Variants in DCDC2 observed in about 807,000 individuals in gnomAD.
The protein encoded by DCDC2 is doublecortin domain-containing protein 2.
A neutral mutation model predicts 50.2 loss-of-function variants in DCDC2; 40 were observed. The ratio of observed to expected loss-of-function variants is 0.80; its 90% CI spans 0.62 to 1.04. The LOEUF is 1.04. Ranked by LOEUF, DCDC2 falls within the 50% of genes least tolerant of loss-of-function variation. The pLI, the probability that DCDC2 is intolerant of heterozygous loss-of-function variation, is 0.00. For missense variants in DCDC2, 570 were observed against 581.9 expected (o/e 0.98, Z 0.21); for synonymous variants, 234 against 210.6 (o/e 1.11, Z -0.96).
At chr6:24,299,200 G>C (rs1355028495) in intron 4 of DCDC2, among the ~76,000 whole-genome samples, 2 of 152,176 alleles carry the variant, frequency 1.3e-5, no homozygotes, top group African/African-American at 4.8e-5. Context: ...TATGGATGCA[G>C]CTGGAGGCCA....
At chr6:24,176,023 T>TGG (rs1478092324) in intron 9 of DCDC2, among the ~76,000 whole-genome samples, 1 of 152,170 alleles carries the variant, frequency 6.6e-6, no homozygotes, top group Non-Finnish European at 1.5e-5. Flanking sequence ...CCGGGCATGG[T>TGG]GGCACGTGGC....
At chr6:24,360,199 C>T (rs1028992468), upstream of DCDC2, among the ~76,000 whole-genome samples, 2 of 152,338 alleles carry the variant, frequency 1.3e-5, no homozygotes, top group South Asian at 2.1e-4. Context: ...GTGAACCAGG[C>T]CTGGCTTGCG....
intron 4 of DCDC2, among the ~76,000 whole-genome samples, chr6:24,296,753 G>C (rs774572149): frequency 4.6e-5 from 7 of 152,072 alleles, no homozygotes; most frequent in South Asian, 2.1e-4. Context: ...CAAACAAAAA[G>C]CACAATGATA....
chr6:24,289,971 CTTTTTTTTTTTTTTTTTTTTTTTTTTT>C (rs3077132), intron 5 of DCDC2, among the ~76,000 whole-genome samples: 3 of 60,986 alleles, frequency 4.9e-5, no homozygotes, highest in East Asian at 5.7e-4. Flanking sequence ...CAGAGCTCTT[CTTTTTTTTTTTTTTTTTTTTTTTTTTT>C]TTTTTTTTTT....
chr6:24,232,091 A>G (rs1333614136), intron 7 of DCDC2, among the ~76,000 whole-genome samples: 2 of 152,160 alleles, frequency 1.3e-5, no homozygotes, highest in African/African-American at 2.4e-5. Flanking sequence ...TTTAAACTTT[A>G]TACAGCAATT....
At chr6:24,316,349 G>T (rs1234182663) in intron 2 of DCDC2, among the ~76,000 whole-genome samples, 2 of 152,108 alleles carry the variant, frequency 1.3e-5, no homozygotes, top group African/African-American at 4.8e-5. Flanking sequence ...AAATTCCAGA[G>T]GACTCAGGAG....
At chr6:24,198,835 G>T (rs1761508966) in intron 8 of DCDC2, among the ~76,000 whole-genome samples, 1 of 152,172 alleles carries the variant, frequency 6.6e-6, no homozygotes, top group Non-Finnish European at 1.5e-5. Flanking sequence ...AGGGATGTCT[G>T]CCATTACTAA....
At chr6:24,196,183 TAA>T (rs1356247082) in intron 8 of DCDC2, among the ~76,000 whole-genome samples, 1 of 149,982 alleles carries the variant, frequency 6.7e-6, no homozygotes, top group Non-Finnish European at 1.5e-5. Flanking sequence ...TTTCCTTTCT[TAA>T]TTAGGATTTT....
chr6:24,320,078 C>T (rs1204203872), intron 2 of DCDC2, among the ~76,000 whole-genome samples: 3 of 152,120 alleles, frequency 2.0e-5, no homozygotes, highest in African/African-American at 7.2e-5. Context: ...AAGCTGTACA[C>T]AAATACTGTA....
chr6:24,207,275 TCTCTCTCTCTCTCA>T (rs2113763454), intron 7 of DCDC2, among the ~76,000 whole-genome samples: 1 of 150,958 alleles, frequency 6.6e-6, no homozygotes, highest in East Asian at 1.9e-4. Flanking sequence ...TCTCTCTCTC[TCTCTCTCTCTCTCA>T]GACACACACA....
chr6:24,179,678 G>GCTTTCA (rs1761014480), intron 8 of DCDC2, among the ~76,000 whole-genome samples: 1 of 150,534 alleles, frequency 6.6e-6, no homozygotes, highest in Non-Finnish European at 1.5e-5. Context: ...CAGGAGGCCA[G>GCTTTCA]GCACGGTGGC....
At chr6:24,232,601 A>G (rs1415134654) in intron 7 of DCDC2, among the ~76,000 whole-genome samples, 1 of 152,236 alleles carries the variant, frequency 6.6e-6, no homozygotes, top group African/African-American at 2.4e-5. Context: ...AGGCATGACT[A>G]GACCCATATT....
At chr6:24,181,813 C>G (rs1332390848) in intron 8 of DCDC2, among the ~76,000 whole-genome samples, 1 of 151,998 alleles carries the variant, frequency 6.6e-6, no homozygotes, top group African/African-American at 2.4e-5. Flanking sequence ...ATAGAAAAAC[C>G]CATCCTATAA....
chr6:24,340,963 C>T (rs1416390334), intron 2 of DCDC2, among the ~76,000 whole-genome samples: 5 of 152,176 alleles, frequency 3.3e-5, no homozygotes, highest in African/African-American at 9.7e-5. Context: ...TGACCTCAAA[C>T]GATCCACCTG....
intron 7 of DCDC2, among the ~76,000 whole-genome samples, chr6:24,272,077 A>T (rs922572911): frequency 3.3e-5 from 5 of 152,198 alleles, no homozygotes; most frequent in African/African-American, 1.2e-4. Flanking sequence ...AGGGCAGGAT[A>T]TAAAAAGAAT....
intron 8 of DCDC2, among the ~76,000 whole-genome samples, chr6:24,201,501 C>G (rs971105148): frequency 1.3e-5 from 2 of 152,122 alleles, no homozygotes; most frequent in Non-Finnish European, 2.9e-5. Context: ...ACAGCTAAAG[C>G]AGTGTTTAGA....
chr6:24,359,626 G>GT (rs1760626607), upstream of DCDC2, among the ~76,000 whole-genome samples: 3 of 139,184 alleles, frequency 2.2e-5, no homozygotes, highest in South Asian at 6.6e-4. Flanking sequence ...TCCGGGTACC[G>GT]TGACTCATGC....
At chr6:24,290,853 A>T in intron 5 of DCDC2, 79 bp downstream of exon 5, 5 of 1,225,226 alleles carry the variant, frequency 4.1e-6, no homozygotes, top group Non-Finnish European at 5.7e-6. Context: ...TACATAAAAT[A>T]TAATGGTGGT....
At chr6:24,374,141 G>A in the DCDC2 span, among the ~76,000 whole-genome samples, 20 of 142,330 alleles carry the variant, frequency 1.4e-4, no homozygotes, top group Middle Eastern at 4.3e-3. Flanking sequence ...CAGCCTGGGC[G>A]ACAGAGTGAG....
Sources: allele counts gnomAD v4.1 joint callset (sites outside exome capture counted in the v4.1 genomes callset), GRCh38; gene constraint gnomAD v4.1.1; transcripts MANE v1.5; gene names NCBI Gene and HGNC (gene_info 2026-07-23, HGNC 2026-07-21).